Variants in CEP85L observed in about 807,000 individuals in gnomAD.
CEP85L encodes the protein centrosomal protein of 85 kDa-like.
CEP85L carries 60 observed loss-of-function variants against 100.3 expected under a neutral mutation model. The observed-to-expected ratio is 0.60, with a 90% CI of 0.49 to 0.74. The LOEUF (loss-of-function observed/expected upper bound fraction) is 0.74, where lower values mean the gene tolerates loss of function less well. CEP85L is among the 30% of genes least tolerant of loss of function. CEP85L has a pLI of 0.00. For missense variants in CEP85L, 973 were observed against 936.2 expected (o/e 1.04, Z -0.51); for synonymous variants, 319 against 322.7 (o/e 0.99, Z 0.12).
chr6:118,621,835 C>A (rs1352524141), intron 2 of CEP85L, among the ~76,000 whole-genome samples: 1 of 152,128 alleles, frequency 6.6e-6, no homozygotes, highest in Non-Finnish European at 1.5e-5. Flanking sequence ...ACTGTGAATC[C>A]CTGGATACAG....
At chr6:118,507,567 A>G (rs538390625) in intron 5 of CEP85L, among the ~76,000 whole-genome samples, 19 of 152,292 alleles carry the variant, frequency 1.2e-4, no homozygotes, top group African/African-American at 4.6e-4. Context: ...CAGGTCATTG[A>G]TATCACTCGG....
Position 118,481,818 on chromosome 6 carries a change from T to G in CEP85L, c.1706A>C (p.Gln569Pro). 1 of 1,594,436 alleles carries G rather than the reference T, an allele frequency of 6.3e-7. No homozygotes were observed. Reference sequence around the variant, plus strand: ...TACTAACTCCTTTTCTTTCTTTTTCTGGCATATTAACTGTGTCTCTTTATC... The same window carrying G: ...TACTAACTCCTTTTCTTTCTTTTTCGGGCATATTAACTGTGTCTCTTTATC... Reference protein sequence around the residue: ...CQDKETQLICQKKKEKELVTT... With the variant: ...CQDKETQLICPKKKEKELVTT... The change falls in exon 8 of 13, where the codon CAG (glutamine) becomes CCG (proline). Residue 569 changes from glutamine (Q) to proline (P), a missense_variant. Gln to Pro is a moderately conservative substitution (Grantham distance 76). Coordinates refer to ENST00000368491, the MANE Select transcript of CEP85L (RefSeq NM_001042475.3).
chr6:118,690,454 T>C (rs1776999176), intron 1 of CEP85L, among the ~76,000 whole-genome samples: 1 of 152,174 alleles, frequency 6.6e-6, no homozygotes, highest in African/African-American at 2.4e-5. Flanking sequence ...TCCCATGACA[T>C]TATGGTCCCT....
Position 118,632,737 on chromosome 6 carries a change from T to G in CEP85L, c.74-126A>C, listed in dbSNP as rs545258373. ...AAGGTTCTTTTCTGCCCAAAATAAT[T>G]TAAAATGATCAACAAAATTAACCAA... On this transcript the variant is annotated intron_variant, in intron 1 of 12. Transcript: ENST00000368491. The G allele has an allele frequency of 2.7e-3, 1,634 of 613,490 alleles. 3 individuals carry two copies. The highest frequency in any genetic ancestry group is 3.8e-3 in the Non-Finnish European group (1,451 of 384,824). 38.0% of individuals were successfully genotyped at this position (613,490 alleles called of 1,614,324 possible). A position where few individuals can be genotyped will look rare whatever the true frequency, so the allele number is the denominator to read the frequency against.
chr6:118,523,658 G>C, intron 4 of CEP85L, 144 bp downstream of exon 4: 1 of 465,056 alleles, frequency 2.2e-6, no homozygotes, highest in Non-Finnish European at 3.8e-6. Context: ...TAAAGGATTG[G>C]GATTGAGGAG....
At chr6:118,540,755 T>TAAATAAAG (rs1396646830) in intron 3 of CEP85L, among the ~76,000 whole-genome samples, 1 of 19,556 alleles carries the variant, frequency 5.1e-5, no homozygotes, top group African/African-American at 4.7e-4. Flanking sequence ...GACCCCATCT[T>TAAATAAAG]AAATAAATAA....
chr6:118,672,179 G>A (rs1032425835), intron 1 of CEP85L, among the ~76,000 whole-genome samples: 2 of 152,022 alleles, frequency 1.3e-5, no homozygotes, highest in African/African-American at 4.8e-5. Context: ...TGTGATTACA[G>A]GTGCATGCCA....
chr6:118,532,050 C>T (rs1230400469), intron 3 of CEP85L, among the ~76,000 whole-genome samples: 3 of 152,126 alleles, frequency 2.0e-5, no homozygotes, highest in Non-Finnish European at 4.4e-5. Context: ...ACATGCACAA[C>T]ATGTTCATCG....
chr6:118,465,850 A>G lies in CEP85L; in HGVS notation c.2255-282T>C, dbSNP rs541828001. Among the ~76,000 whole-genome samples the G allele has an allele frequency of 1.1e-3, 170 of 152,320 alleles. 1 individual carries two copies. The highest frequency in any genetic ancestry group is 3.9e-3 in the African/African-American group (161 of 41,580). The stretch of plus-strand genomic sequence containing the variant: ...CAATATTCCAAAAGTGAAAAAAAGC[A>G]TACTCTAATGTCTCTCTTCAAGCTC... On this transcript the variant is annotated intron_variant, in intron 12 of 12. Transcript: ENST00000368491.
chr6:118,600,300 G>GGGGTGTGTGTGTGTGTGTGTGTGTGTGT (rs1562297733), intron 2 of CEP85L, among the ~76,000 whole-genome samples: 1 of 52,236 alleles, frequency 1.9e-5, no homozygotes, highest in Non-Finnish European at 4.0e-5. Context: ...CCTTCCTGGG[G>GGGGTGTGTGTGTGTGTGTGTGTGTGTGT]GTGTGTGTGT....
upstream of CEP85L, among the ~76,000 whole-genome samples, chr6:118,655,407 G>A (rs908622235): frequency 6.6e-6 from 1 of 152,220 alleles, no homozygotes; most frequent in African/African-American, 2.4e-5. Flanking sequence ...TTCAGGAACT[G>A]CTTAGGACTG....
chr6:118,557,102 C>T (rs1284144613), intron 3 of CEP85L, among the ~76,000 whole-genome samples: 1 of 152,096 alleles, frequency 6.6e-6, no homozygotes, highest in African/African-American at 2.4e-5. Context: ...TACTTAACAT[C>T]AAATCTTATT....
At chr6:118,594,064 G>A (rs555266313) in intron 2 of CEP85L, among the ~76,000 whole-genome samples, 139 of 152,116 alleles carry the variant, frequency 9.1e-4, no homozygotes, top group Non-Finnish European at 1.1e-3. Flanking sequence ...TGTGTACTTC[G>A]CCTATCGTAA....
In CEP85L at chr6:118,602,348, G is replaced by C. The variant is rs148966030; in HGVS notation, c.232+30105C>G. Among the ~76,000 whole-genome samples, 562 of 152,286 alleles carry C rather than the reference G, an allele frequency of 3.7e-3. 3 individuals carry two copies. The highest frequency in any genetic ancestry group is 0.013 in the African/African-American group (536 of 41,564). ...CAGCAATATATTCCACAAGAGTACA[G>C]CAAAATAAGTAAAGTTATTCCAAGT... On this transcript the variant is annotated intron_variant, in intron 2 of 12. Coordinates refer to ENST00000368491, the MANE Select transcript of CEP85L (RefSeq NM_001042475.3).
chr6:118,503,984 G>C (rs911761449), intron 5 of CEP85L, among the ~76,000 whole-genome samples: 6 of 152,204 alleles, frequency 3.9e-5, no homozygotes, highest in Non-Finnish European at 8.8e-5. Context: ...ACAATGGCAG[G>C]AGAATGAGAA....
At chr6:118,693,649 A>G (rs1777114268) in intron 1 of CEP85L, among the ~76,000 whole-genome samples, 1 of 152,210 alleles carries the variant, frequency 6.6e-6, no homozygotes, top group African/African-American at 2.4e-5. Flanking sequence ...ACAGGCCCAG[A>G]GGTTGTGCAC....
At chr6:118,489,604 C>T (rs932776075) in intron 6 of CEP85L, among the ~76,000 whole-genome samples, 4 of 152,050 alleles carry the variant, frequency 2.6e-5, no homozygotes, top group African/African-American at 9.7e-5. Flanking sequence ...CATCTCGTGC[C>T]TGTTAGGCTG....
intron 2 of CEP85L, among the ~76,000 whole-genome samples, chr6:118,623,351 G>A (rs1006831820): frequency 6.6e-6 from 1 of 152,212 alleles, no homozygotes; most frequent in Non-Finnish European, 1.5e-5. Context: ...TTTACAAAGT[G>A]GGTGGAAGCC....
At chr6:118,496,312 T>C (rs1299753184) in intron 5 of CEP85L, among the ~76,000 whole-genome samples, 1 of 152,202 alleles carries the variant, frequency 6.6e-6, no homozygotes, top group Admixed American at 6.5e-5. Context: ...ACACGTCATC[T>C]CTTATACACA....
Sources: allele counts gnomAD v4.1 joint callset (sites outside exome capture counted in the v4.1 genomes callset), GRCh38; gene constraint gnomAD v4.1.1; transcripts MANE v1.5; gene names NCBI Gene and HGNC (gene_info 2026-07-23, HGNC 2026-07-21).